Variants in FUT8 observed in about 807,000 individuals in gnomAD.
FUT8 encodes the protein fucosyltransferase 8.
A neutral mutation model predicts 71.3 loss-of-function variants in FUT8; 29 were observed. That is an observed-to-expected ratio of 0.41 (90% CI 0.30 to 0.55). The LOEUF is 0.55. Ranked by LOEUF, FUT8 falls within the 20% of genes least tolerant of loss-of-function variation. The pLI is 0.34. For missense variants in FUT8, 544 were observed against 702.1 expected (o/e 0.77, Z 2.55); for synonymous variants, 254 against 239.3 (o/e 1.06, Z -0.57).
intron 5 of FUT8, among the ~76,000 whole-genome samples, chr14:65,620,893 G>T (rs1594826677): frequency 6.6e-6 from 1 of 152,186 alleles, no homozygotes; most frequent in Admixed American, 6.5e-5. Flanking sequence ...TGTGCAAAGG[G>T]ATACATTTCT....
At position 65,413,081 on chromosome 14, in the gene FUT8, CCGTT is replaced by C. The variant is rs2065161763; in HGVS notation, c.-456_-453del. ...GGTTCCTGTTTCCGTTTCTTCCTCT[CCGTT>C]CGGTCGGGAGTAGCATCCTCCACTC... On this transcript the variant is annotated 5_prime_UTR_variant, in exon 1 of 11. Transcript: ENST00000673929. The surrounding 1 kb of genome is among the most constrained non-coding windows in gnomAD (Gnocchi z 4.1). 1 of 153,066 alleles carries C rather than the reference CCGTT, an allele frequency of 6.5e-6. No homozygotes were observed. Among genetic ancestry groups the C allele is most frequent in the Non-Finnish European group, 1.5e-5 (1 of 68,378 alleles). 9.5% of individuals were successfully genotyped at this position (153,066 alleles called of 1,614,324 possible). A position where few individuals can be genotyped will look rare whatever the true frequency, so the allele number is the denominator to read the frequency against.
intron 5 of FUT8, among the ~76,000 whole-genome samples, chr14:65,618,438 G>C (rs897565477): frequency 6.6e-6 from 1 of 152,040 alleles, no homozygotes; most frequent in Non-Finnish European, 1.5e-5. Context: ...AAAATGGTAA[G>C]TAAAGGTACC....
chr14:65,643,698 A>G lies in FUT8; in HGVS notation c.597+14092A>G, dbSNP rs1204630291. Among the ~76,000 whole-genome samples the G allele has an allele frequency of 2.0e-5, 3 of 148,600 alleles. No homozygotes were observed. Among genetic ancestry groups the G allele is most frequent in the Non-Finnish European group, 4.4e-5 (3 of 67,600 alleles). ...CACACACACACACACACACACACACACACACACACACACACACCAGATTCC... is the reference window on the plus strand; with the variant it reads ...CACACACACACACACACACACACACGCACACACACACACACACCAGATTCC... On this transcript the variant is annotated intron_variant, in intron 6 of 10. Transcript: ENST00000673929. This position sits in a 1 kb window ranked among gnomAD's most constrained non-coding sequence, Gnocchi z 4.5.
chr14:65,535,915 A>G (rs1594748819), intron 2 of FUT8, among the ~76,000 whole-genome samples: 1 of 152,124 alleles, frequency 6.6e-6, no homozygotes, highest in African/African-American at 2.4e-5. Flanking sequence ...TGGGAGTCTA[A>G]GTCTCTTTGA....
intron 2 of FUT8, among the ~76,000 whole-genome samples, chr14:65,484,857 A>G (rs1026991191): frequency 6.6e-6 from 1 of 150,996 alleles, no homozygotes; most frequent in African/African-American, 2.4e-5. Context: ...TTTGTGTTGT[A>G]TTTTTGGATC....
chr14:65,561,332 C>T lies in FUT8; in HGVS notation c.-227-5C>T, dbSNP rs1885903390. ...ATTTAAATACATTTCTTACTCTTTC[C>T]ACAGCATGTAGAGCGCATGAAGTAC... is the stretch of plus-strand genomic sequence containing the variant. On this transcript the variant is annotated splice_region_variant and splice_polypyrimidine_tract_variant and intron_variant, in intron 2 of 10. Coordinates refer to ENST00000673929, the MANE Select transcript of FUT8 (RefSeq NM_001371533.1). 2 of 491,594 alleles carry T rather than the reference C, an allele frequency of 4.1e-6. No homozygotes were observed. The highest frequency in any genetic ancestry group is 3.6e-5 in the South Asian group (1 of 28,142). The allele number at this position is 491,594 out of a possible 1,614,324, so 30.5% of individuals were successfully genotyped here.
rs1169020081 is a variant in FUT8, at chr14:65,526,850, G to T, written c.-227-34487G>T. On this transcript the variant is annotated intron_variant, in intron 2 of 10. Transcript: ENST00000673929. ...TTAGTTTGGCTGGATATGAAATTCT[G>T]GGTTGAAAATTCTTTTCTTTAAGAA... Among the ~76,000 whole-genome samples the T allele has an allele frequency of 9.1e-4, 139 of 152,070 alleles. 2 individuals are homozygous for T. The highest frequency in any genetic ancestry group is 2.9e-5 in the Non-Finnish European group (2 of 68,020).
chr14:65,638,109 C>G lies in FUT8; in HGVS notation c.597+8503C>G, dbSNP rs1221249909. On this transcript the variant is annotated intron_variant, in intron 6 of 10. Transcript: ENST00000673929. The surrounding 1 kb of genome is among the most constrained non-coding windows in gnomAD (Gnocchi z 4.5). Reference sequence around the variant, plus strand: ...CAACACCCTGGCACAAGGTGAAGTTCGTAACCACATTTCTTCTGGTTAGCT... The same window carrying G: ...CAACACCCTGGCACAAGGTGAAGTTGGTAACCACATTTCTTCTGGTTAGCT... Among the ~76,000 whole-genome samples the G allele has an allele frequency of 6.6e-6, 1 of 152,200 alleles. No individual in the cohort carries two copies.
chr14:65,720,345 G>T (rs1357261278), intron 7 of FUT8, among the ~76,000 whole-genome samples: 1 of 149,634 alleles, frequency 6.7e-6, no homozygotes, highest in Non-Finnish European at 1.5e-5. Flanking sequence ...CCAGGCCTGG[G>T]ACTTGCCCTT....
At chr14:65,508,684 T>A (rs1421727883) in intron 2 of FUT8, among the ~76,000 whole-genome samples, 1 of 151,772 alleles carries the variant, frequency 6.6e-6, no homozygotes, top group Non-Finnish European at 1.5e-5. Flanking sequence ...GTATTTTTAG[T>A]AGAGACGGAG....
intron 7 of FUT8, among the ~76,000 whole-genome samples, chr14:65,674,394 G>C (rs573153371): frequency 6.4e-4 from 97 of 152,230 alleles, no homozygotes; most frequent in Admixed American, 4.8e-3. Context: ...AAAAACTCAT[G>C]ATACTCATTA....
intron 3 of FUT8, among the ~76,000 whole-genome samples, chr14:65,580,133 G>A (rs1481176062): frequency 4.0e-5 from 6 of 148,408 alleles, no homozygotes; most frequent in Admixed American, 2.0e-4. Context: ...TGAGAAATAC[G>A]TCATTAGGTG....
intron 1 of FUT8, among the ~76,000 whole-genome samples, chr14:65,426,557 T>C (rs529253577): frequency 6.6e-6 from 1 of 152,308 alleles, no homozygotes; most frequent in African/African-American, 2.4e-5. Flanking sequence ...ATAGAAGTTA[T>C]TTTAACAAAG....
chr14:65,626,353 G>A (rs1889895445), intron 5 of FUT8, among the ~76,000 whole-genome samples: 1 of 152,118 alleles, frequency 6.6e-6, no homozygotes, highest in Non-Finnish European at 1.5e-5. Context: ...AAAATTAGTA[G>A]GAGATAGAAC....
chr14:65,620,615 T>C lies in FUT8; in HGVS notation c.482+4242T>C, dbSNP rs1189021469. On this transcript the variant is annotated intron_variant, in intron 5 of 10. Transcript: ENST00000673929. ...AATTGATATTCCCACTCTTGAAAAG[T>C]TAAGTTTGGTGAACCTTCAAACCTT... Among the ~76,000 whole-genome samples the C allele has an allele frequency of 2.0e-5, 3 of 152,308 alleles. No individual in the cohort carries two copies. In the East Asian group the frequency reaches 5.8e-4, roughly 29 times the overall value.
intron 1 of FUT8, among the ~76,000 whole-genome samples, chr14:65,427,718 A>G (rs1051492351): frequency 6.6e-6 from 1 of 152,236 alleles, no homozygotes; most frequent in Non-Finnish European, 1.5e-5. Flanking sequence ...TATATACCAT[A>G]ACATTCATAG....
At chr14:65,583,527 A>T (rs1283807455) in intron 3 of FUT8, among the ~76,000 whole-genome samples, 1 of 152,200 alleles carries the variant, frequency 6.6e-6, no homozygotes, top group African/African-American at 2.4e-5. Flanking sequence ...ATAAAATAAA[A>T]AAATGTACAC....
chr14:65,375,700 G>A, the FUT8 span, among the ~76,000 whole-genome samples: 3 of 152,248 alleles, frequency 2.0e-5, no homozygotes, highest in East Asian at 3.8e-4. Context: ...GGCTCAGAGA[G>A]CCTTGTAGCA....
intron 1 of FUT8, among the ~76,000 whole-genome samples, chr14:65,428,272 G>C (rs1207789149): frequency 6.6e-6 from 1 of 152,152 alleles, no homozygotes; most frequent in Non-Finnish European, 1.5e-5. Context: ...GCTTATGTCA[G>C]CTATGGTCTG....
Sources: gnomAD v4.1 joint callset for allele counts (sites outside exome capture counted in the v4.1 genomes callset) on GRCh38, gnomAD v4.1.1 for gene constraint, Gnocchi (gnomAD v3.1) non-coding constraint, MANE v1.5 for transcripts, NCBI Gene and HGNC (gene_info 2026-07-23, HGNC 2026-07-21) for gene names.